The following PTPDC1 variants were observed in gnomAD, a reference collection of about 807,000 sequenced individuals.
The protein encoded by PTPDC1 is protein tyrosine phosphatase domain-containing protein 1.
PTPDC1 carries 53 observed loss-of-function variants against 75.3 expected under a neutral mutation model. That is an observed-to-expected ratio of 0.70 (90% CI 0.56 to 0.88). The LOEUF is 0.88. Ranked by LOEUF, PTPDC1 falls within the 40% of genes least tolerant of loss-of-function variation. The pLI is 0.00. For synonymous variants in PTPDC1, 349 were observed against 366.2 expected, an observed-to-expected ratio of 0.95 and a Z score of 0.54; for missense variants, 925 against 998.6, an observed-to-expected ratio of 0.93 and a Z score of 0.99.
intron 2 of PTPDC1, among the ~76,000 whole-genome samples, chr9:94,065,606 T>G (rs1258775657): frequency 5.9e-5 from 9 of 152,242 alleles, no homozygotes; most frequent in Non-Finnish European, 1.0e-4. Context: ...GTTGTGTTCT[T>G]GCTGGAATCT....
chr9:94,040,733 T>A (rs867003749), intron 1 of PTPDC1, among the ~76,000 whole-genome samples: 22 of 152,274 alleles, frequency 1.4e-4, no homozygotes, highest in African/African-American at 5.3e-4. Context: ...TTTATAGAAA[T>A]TTTTACCATT....
chr9:94,095,254 T>A, intron 4 of PTPDC1, 63 bp from the exon 5 acceptor site: 3 of 1,164,310 alleles, frequency 2.6e-6, no homozygotes, highest in South Asian at 1.7e-5. Context: ...TACTTTTCAT[T>A]AGTGTTTGTA....
chr9:94,049,737 T>G (rs1825728311), intron 1 of PTPDC1, among the ~76,000 whole-genome samples: 1 of 152,182 alleles, frequency 6.6e-6, no homozygotes, highest in Admixed American at 6.5e-5. Flanking sequence ...GTTCTCTGTA[T>G]TTCCTGAATT....
intron 2 of PTPDC1, among the ~76,000 whole-genome samples, chr9:94,078,071 C>T (rs1201712634): frequency 6.6e-6 from 1 of 152,210 alleles, no homozygotes; most frequent in Non-Finnish European, 1.5e-5. Context: ...CTCCTTGGGA[C>T]ATTTCATATA....
chr9:94,095,745 A>G, intron 5 of PTPDC1, among the ~76,000 whole-genome samples: 1 of 152,240 alleles, frequency 6.6e-6, no homozygotes, highest in East Asian at 1.9e-4. Context: ...TATACATTAT[A>G]TGTATTAAAA....
At chr9:94,065,612 A>T (rs1312543421) in intron 2 of PTPDC1, among the ~76,000 whole-genome samples, 1 of 152,222 alleles carries the variant, frequency 6.6e-6, no homozygotes, top group African/African-American at 2.4e-5. Flanking sequence ...TTCTTGCTGG[A>T]ATCTGACCAC....
intron 1 of PTPDC1, among the ~76,000 whole-genome samples, chr9:94,055,537 C>G (rs1342586987): frequency 6.6e-6 from 1 of 152,128 alleles, no homozygotes; most frequent in Non-Finnish European, 1.5e-5. Flanking sequence ...AGCTATTAAG[C>G]TATGAAAAGA....
chr9:94,072,160 A>C (rs1052980244), intron 2 of PTPDC1, among the ~76,000 whole-genome samples: 2 of 152,128 alleles, frequency 1.3e-5, no homozygotes, highest in African/African-American at 4.8e-5. Flanking sequence ...GGCGCCTGCC[A>C]CCACGCCCAG....
At chr9:94,053,934 C>A (rs1472334165) in intron 1 of PTPDC1, among the ~76,000 whole-genome samples, 1 of 152,188 alleles carries the variant, frequency 6.6e-6, no homozygotes, top group Admixed American at 6.5e-5. Context: ...AAAAAGCCGG[C>A]ATTCAGAGAG....
intron 1 of PTPDC1, among the ~76,000 whole-genome samples, chr9:94,050,032 A>G (rs1227852240): frequency 6.6e-6 from 1 of 152,048 alleles, no homozygotes; most frequent in East Asian, 1.9e-4. Flanking sequence ...TGCATTTGTC[A>G]TGTAGTTCTC....
intron 2 of PTPDC1, among the ~76,000 whole-genome samples, chr9:94,086,797 A>G (rs1054302248): frequency 1.3e-5 from 2 of 152,230 alleles, no homozygotes; most frequent in African/African-American, 4.8e-5. Flanking sequence ...CATTTTATCA[A>G]TGAAAGAATT....
chr9:94,101,264 A>T (rs1442424620), intron 6 of PTPDC1: 1 of 240,424 alleles, frequency 4.2e-6, no homozygotes, highest in African/African-American at 2.2e-5. Flanking sequence ...AACTTGGATT[A>T]ACTAAGCCCT....
At chr9:94,036,865 C>T (rs1416849793) in intron 1 of PTPDC1, among the ~76,000 whole-genome samples, 1 of 152,182 alleles carries the variant, frequency 6.6e-6, no homozygotes, top group Non-Finnish European at 1.5e-5. Context: ...CAAGCAGCAC[C>T]ATTTGTTCCC....
At chr9:94,042,237 G>A (rs932456310) in intron 1 of PTPDC1, among the ~76,000 whole-genome samples, 9 of 152,072 alleles carry the variant, frequency 5.9e-5, no homozygotes, top group Non-Finnish European at 1.2e-4. Context: ...CGGTACTTAT[G>A]TACAGGGTTT....
At chr9:94,101,424 A>G in intron 6 of PTPDC1, 142 bp from the exon 7 acceptor site, 6 of 559,194 alleles carry the variant, frequency 1.1e-5, no homozygotes, top group Non-Finnish European at 3.1e-6. Context: ...AGAGGCTGGG[A>G]GGGGTCCCAG....
At chr9:94,071,349 T>C (rs1260593261) in intron 2 of PTPDC1, among the ~76,000 whole-genome samples, 1 of 152,222 alleles carries the variant, frequency 6.6e-6, no homozygotes, top group African/African-American at 2.4e-5. Context: ...CACTATTTTT[T>C]TTTACTGTTG....
intron 2 of PTPDC1, among the ~76,000 whole-genome samples, chr9:94,071,028 C>G (rs965693627): frequency 1.1e-4 from 16 of 151,456 alleles, no homozygotes; most frequent in African/African-American, 3.6e-4. Flanking sequence ...GGGATAAATA[C>G]CCAAGAATTT....
Position 94,104,270 on chromosome 9 carries a change from A to G in PTPDC1, c.2200-5A>G, listed in dbSNP as rs747945345. ...TTTTTTAAATTTTGATTTCTACAAA[A>G]ACAGGGACAGCACCAGACTATTCTC... On this transcript the variant is annotated splice_region_variant and splice_polypyrimidine_tract_variant and intron_variant, in intron 7 of 8. Transcript: ENST00000620992. 1.3e-6 allele frequency: 2 copies of G among 1,594,482 alleles called. No individual in the cohort carries two copies. Among genetic ancestry groups the G allele is most frequent in the Non-Finnish European group, 1.7e-6 (2 of 1,166,028 alleles).
At chr9:94,091,395 G>A (rs1429510462) in intron 4 of PTPDC1, among the ~76,000 whole-genome samples, 2 of 151,920 alleles carry the variant, frequency 1.3e-5, no homozygotes, top group Non-Finnish European at 2.9e-5. Flanking sequence ...TTATTGATTT[G>A]CGTATATTGA....
Sources: allele counts gnomAD v4.1 joint callset (sites outside exome capture counted in the v4.1 genomes callset), GRCh38; gene constraint gnomAD v4.1.1; transcripts MANE v1.5; gene names NCBI Gene and HGNC (gene_info 2026-07-23, HGNC 2026-07-21).